Variants in INVS observed in about 807,000 individuals in gnomAD.
INVS encodes inversion of embryo turning homolog.
INVS carries 86 observed loss-of-function variants against 108.8 expected under a neutral mutation model. The ratio of observed to expected loss-of-function variants is 0.79; its 90% CI spans 0.66 to 0.95. INVS has a LOEUF of 0.95. Ranked by LOEUF, INVS falls within the 40% of genes least tolerant of loss-of-function variation. The probability of loss-of-function intolerance (pLI) is 0.00; values close to 1 mark genes in which losing one functional copy is unlikely to be tolerated. For synonymous variants in INVS, 455 were observed against 473.5 expected (o/e 0.96, Z 0.51); for missense variants, 1,169 against 1,297.4 (o/e 0.90, Z 1.52).
chr9:100,110,213 T>G (rs2118839545), intron 2 of INVS, among the ~76,000 whole-genome samples: 1 of 152,360 alleles, frequency 6.6e-6, no homozygotes, highest in South Asian at 2.1e-4. Flanking sequence ...AAGTTATGTT[T>G]TATGTGCCAG....
At chr9:100,128,857 T>A (rs1254846828) in intron 3 of INVS, among the ~76,000 whole-genome samples, 1 of 152,080 alleles carries the variant, frequency 6.6e-6, no homozygotes, top group Non-Finnish European at 1.5e-5. Flanking sequence ...AGAAACAATA[T>A]AAAATAACCA....
At chr9:100,209,478 C>T (rs1830768355) in intron 3 of INVS, among the ~76,000 whole-genome samples, 1 of 152,078 alleles carries the variant, frequency 6.6e-6, no homozygotes, top group South Asian at 2.1e-4. Flanking sequence ...TTACTTAAAT[C>T]CTTCAGTACT....
At chr9:100,280,603 T>A (rs551246781) in intron 12 of INVS, among the ~76,000 whole-genome samples, 8 of 152,356 alleles carry the variant, frequency 5.3e-5, no homozygotes, top group Admixed American at 3.9e-4. Flanking sequence ...GAACTTTTTT[T>A]AATTTTTCAT....
chr9:100,205,052 G>A (rs1830635153), intron 3 of INVS, among the ~76,000 whole-genome samples: 1 of 151,830 alleles, frequency 6.6e-6, no homozygotes, highest in African/African-American at 2.4e-5. Flanking sequence ...GGGATGTGGG[G>A]TGAAAAAAAA....
chr9:100,226,630 T>C (rs968231521), intron 4 of INVS, among the ~76,000 whole-genome samples: 2 of 151,874 alleles, frequency 1.3e-5, no homozygotes, highest in African/African-American at 4.8e-5. Flanking sequence ...CTGGCCAACA[T>C]AGTGAAACCT....
chr9:100,244,820 G>A (rs995551124), intron 7 of INVS, among the ~76,000 whole-genome samples: 3 of 152,098 alleles, frequency 2.0e-5, no homozygotes, highest in Non-Finnish European at 4.4e-5. Flanking sequence ...TTGCAAATTA[G>A]TAAAAGAAAA....
intron 10 of INVS, among the ~76,000 whole-genome samples, chr9:100,258,246 A>C (rs912738592): frequency 9.9e-5 from 15 of 152,124 alleles, no homozygotes; most frequent in Admixed American, 9.2e-4. Flanking sequence ...CATGGTTTTC[A>C]GCTCCATCAG....
rs759466960 is a variant in INVS at position 100,252,417 on chromosome 9, G to T, written c.1213G>T (p.Val405Leu). 1 of 1,613,956 alleles carries T rather than the reference G, an allele frequency of 6.2e-7. No homozygotes were observed. The highest frequency in any genetic ancestry group is 2.2e-5 in the East Asian group (1 of 44,872). ...AGCCTGTGAGATGGGACACAAAGAT[G>T]TGATTCAGACACTCATTAAAGGTGG... ...FRACEMGHKD[V>L]IQTLIKGGAR... The change falls in exon 9 of 17, where the codon GTG (valine) becomes TTG (leucine). Residue 405 changes from valine to leucine, a missense_variant. Coordinates refer to ENST00000262457, the MANE Select transcript of INVS (RefSeq NM_014425.5).
At chr9:100,179,531 C>CA (rs1351678214) in intron 3 of INVS, among the ~76,000 whole-genome samples, 23 of 150,638 alleles carry the variant, frequency 1.5e-4, no homozygotes, top group African/African-American at 5.6e-4. Flanking sequence ...CAACAAAGAT[C>CA]AAAAAAGACA....
At chr9:100,201,564 TATC>T (rs1830532075) in intron 3 of INVS, among the ~76,000 whole-genome samples, 1 of 152,190 alleles carries the variant, frequency 6.6e-6, no homozygotes, top group Admixed American at 6.5e-5. Context: ...CAACCCCAGT[TATC>T]ATTCTCCTTT....
intron 3 of INVS, among the ~76,000 whole-genome samples, chr9:100,200,554 A>G (rs1830505250): frequency 6.6e-6 from 1 of 152,172 alleles, no homozygotes; most frequent in Admixed American, 6.5e-5. Flanking sequence ...CATAGTCTAT[A>G]CTTTTAAGGC....
At chr9:100,171,812 G>A (rs986405099) in intron 3 of INVS, among the ~76,000 whole-genome samples, 3 of 152,100 alleles carry the variant, frequency 2.0e-5, no homozygotes, top group African/African-American at 7.2e-5. Context: ...TCTTTTCTCT[G>A]ATGTATATCA....
Position 100,192,413 on chromosome 9 carries a change from C to T in INVS, c.274-33649C>T, listed in dbSNP as rs1388292256. 5.9e-5 allele frequency among the ~76,000 whole-genome samples: 9 copies of T among 152,076 alleles called. No homozygotes were observed. In the East Asian group the frequency reaches 1.7e-3, roughly 29 times the overall value. On this transcript the variant is annotated intron_variant, in intron 3 of 16. Coordinates refer to ENST00000262457, the MANE Select transcript of INVS (RefSeq NM_014425.5). ...TGTTGCTGAATTATATTCTGTTGCA[C>T]AAATATATCATAATTTGTTTATACA... is the stretch of plus-strand genomic sequence containing the variant.
intron 3 of INVS, among the ~76,000 whole-genome samples, chr9:100,139,924 T>A (rs1828368830): frequency 6.6e-6 from 1 of 152,208 alleles, no homozygotes; most frequent in African/African-American, 2.4e-5. Flanking sequence ...ATTACAGGCA[T>A]GAGCCACCGC....
chr9:100,265,614 A>C (rs1458770995), intron 11 of INVS, among the ~76,000 whole-genome samples: 4 of 152,222 alleles, frequency 2.6e-5, no homozygotes, highest in Non-Finnish European at 5.9e-5. Context: ...TCTCTTGATG[A>C]AGAGGATATT....
At chr9:100,191,536 G>T (rs1048778940) in intron 3 of INVS, among the ~76,000 whole-genome samples, 2 of 151,782 alleles carry the variant, frequency 1.3e-5, no homozygotes, top group Non-Finnish European at 2.9e-5. Context: ...GTTCTGATTG[G>T]TTTTTCTTTA....
intron 3 of INVS, among the ~76,000 whole-genome samples, chr9:100,166,587 A>G (rs901287363): frequency 6.6e-6 from 1 of 152,358 alleles, no homozygotes; most frequent in Non-Finnish European, 1.5e-5. Flanking sequence ...ACTGCCAGGT[A>G]GAGAATTCAA....
At chr9:100,162,696 CG>C (rs1829228500) in intron 3 of INVS, among the ~76,000 whole-genome samples, 1 of 152,002 alleles carries the variant, frequency 6.6e-6, no homozygotes, top group Non-Finnish European at 1.5e-5. Flanking sequence ...GTCACCTTGG[CG>C]GGCACCAGTA....
intron 3 of INVS, among the ~76,000 whole-genome samples, chr9:100,222,459 G>A (rs1470398565): frequency 3.3e-5 from 5 of 152,166 alleles, no homozygotes; most frequent in African/African-American, 9.7e-5. Flanking sequence ...AACAAAGTAC[G>A]AGCATTGTAC....
Sources: allele counts gnomAD v4.1 joint callset (sites outside exome capture counted in the v4.1 genomes callset), GRCh38; gene constraint gnomAD v4.1.1; transcripts MANE v1.5; gene names NCBI Gene and HGNC (gene_info 2026-07-23, HGNC 2026-07-21).